Variants in CSTPP1 observed in about 807,000 individuals in gnomAD.
CSTPP1 encodes centriolar satellite-associated tubulin polyglutamylase complex regulator 1.
At chr11:47,055,274 C>T in the CSTPP1 span, among the ~76,000 whole-genome samples, 1 of 151,894 alleles carries the variant, frequency 6.6e-6, no homozygotes, top group South Asian at 2.1e-4. Context: ...ACCTTTAAGA[C>T]AATTTCTTGC....
At chr11:47,081,656 T>A in the CSTPP1 span, among the ~76,000 whole-genome samples, 164 of 152,262 alleles carry the variant, frequency 1.1e-3, no homozygotes, top group African/African-American at 3.6e-3. Flanking sequence ...AGCTTAGAAA[T>A]TGACTCAAAT....
the CSTPP1 span, among the ~76,000 whole-genome samples, chr11:47,037,291 G>A: frequency 1.6e-5 from 2 of 126,498 alleles, no homozygotes; most frequent in African/African-American, 2.5e-5. Context: ...GTAGAAGGTC[G>A]ACTTAAAAAC....
chr11:47,076,963 GA>G, the CSTPP1 span, among the ~76,000 whole-genome samples: 123,424 of 129,712 alleles, frequency 0.95, 58,755 homozygotes, highest in South Asian at 0.99. Context: ...AAAACAGGAG[GA>G]AAAAAAAAAA....
chr11:47,107,403 C>T, the CSTPP1 span, among the ~76,000 whole-genome samples: 1 of 152,162 alleles, frequency 6.6e-6, no homozygotes, highest in East Asian at 1.9e-4. Flanking sequence ...TTGTTAGAAA[C>T]AGGATCTTTT....
At chr11:47,001,403 T>G in the CSTPP1 span, among the ~76,000 whole-genome samples, 1 of 152,248 alleles carries the variant, frequency 6.6e-6, no homozygotes, top group Non-Finnish European at 1.5e-5. Context: ...TTCATTTTGA[T>G]ACATGTTAAT....
the CSTPP1 span, among the ~76,000 whole-genome samples, chr11:47,147,976 A>T: frequency 6.6e-6 from 1 of 152,158 alleles, no homozygotes; most frequent in Non-Finnish European, 1.5e-5. Context: ...TTTCAGGGCA[A>T]GTAGGGTTTG....
At chr11:47,041,187 G>T in the CSTPP1 span, 1 of 206,794 alleles carries the variant, frequency 4.8e-6, no homozygotes, top group Non-Finnish European at 1.1e-5. Flanking sequence ...TCTTGTGTCA[G>T]GCCTCACATA....
At chr11:46,938,914 C>G in the CSTPP1 span, among the ~76,000 whole-genome samples, 1 of 151,164 alleles carries the variant, frequency 6.6e-6, no homozygotes. Context: ...GTAGCTGGGA[C>G]TACAGGCACA....
chr11:47,124,760 T>C, the CSTPP1 span, among the ~76,000 whole-genome samples: 1 of 152,192 alleles, frequency 6.6e-6, no homozygotes, highest in African/African-American at 2.4e-5. Flanking sequence ...ATAAATGAAG[T>C]TGGGTAGATT....
chr11:47,142,606 T>C, the CSTPP1 span, among the ~76,000 whole-genome samples: 189 of 152,274 alleles, frequency 1.2e-3, no homozygotes, highest in African/African-American at 4.3e-3. Flanking sequence ...CACTCCAGAA[T>C]ACTGACCTCT....
At chr11:46,953,182 G>A in the CSTPP1 span, among the ~76,000 whole-genome samples, 1 of 152,112 alleles carries the variant, frequency 6.6e-6, no homozygotes, top group Non-Finnish European at 1.5e-5. Context: ...ATGGAGTAGT[G>A]TGGCAAGATG....
the CSTPP1 span, among the ~76,000 whole-genome samples, chr11:47,007,656 A>G: frequency 2.7e-5 from 4 of 150,428 alleles, no homozygotes; most frequent in Non-Finnish European, 4.4e-5. Flanking sequence ...ATCTTGTGTT[A>G]TACTTTTTTT....
the CSTPP1 span, among the ~76,000 whole-genome samples, chr11:46,960,403 G>GCAGC: frequency 6.6e-6 from 1 of 152,052 alleles, no homozygotes; most frequent in Non-Finnish European, 1.5e-5. Flanking sequence ...ATACCAATTA[G>GCAGC]CAGCCACTCC....
the CSTPP1 span, among the ~76,000 whole-genome samples, chr11:46,941,993 T>C: frequency 6.6e-6 from 1 of 152,312 alleles, no homozygotes; most frequent in South Asian, 2.1e-4. Flanking sequence ...AGGGATTGTA[T>C]TTACCTTTCT....
the CSTPP1 span, chr11:47,109,198 C>T: frequency 6.6e-6 from 1 of 152,104 alleles, no homozygotes; most frequent in South Asian, 2.1e-4. Flanking sequence ...TTCCCTGAGC[C>T]TCTCCCACTG....
the CSTPP1 span, among the ~76,000 whole-genome samples, chr11:47,115,448 T>G: frequency 2.0e-5 from 3 of 152,198 alleles, no homozygotes; most frequent in East Asian, 5.8e-4. Context: ...CATCTGGTCC[T>G]GGACTTCTTT....
the CSTPP1 span, among the ~76,000 whole-genome samples, chr11:47,097,211 A>T: frequency 9.5e-5 from 8 of 84,174 alleles, no homozygotes; most frequent in African/African-American, 3.4e-4. Context: ...GCCTCTGCCC[A>T]GCCGCCCCTA....
chr11:47,097,072 G>T, the CSTPP1 span, among the ~76,000 whole-genome samples: 1 of 142,630 alleles, frequency 7.0e-6, no homozygotes, highest in African/African-American at 2.5e-5. Flanking sequence ...CCCCCCACCC[G>T]GCCAGCCGCC....
the CSTPP1 span, among the ~76,000 whole-genome samples, chr11:46,947,670 G>C: frequency 1.3e-5 from 2 of 152,168 alleles, no homozygotes; most frequent in Admixed American, 1.3e-4. Context: ...TTTGGAGAAA[G>C]TAAGAGCCTT....
Sources: allele counts gnomAD v4.1 joint callset (sites outside exome capture counted in the v4.1 genomes callset), GRCh38; gene constraint gnomAD v4.1.1; transcripts MANE v1.5; gene names NCBI Gene and HGNC (gene_info 2026-07-23, HGNC 2026-07-21).